Variants in CASKIN1 observed in about 807,000 individuals in gnomAD.
CASKIN1 encodes the protein CASK interacting protein 1.
Under a neutral mutation model 117.5 loss-of-function variants are expected in CASKIN1, and 42 were observed. That is an observed-to-expected ratio of 0.36 (90% confidence interval 0.28 to 0.46). The LOEUF (loss-of-function observed/expected upper bound fraction) is 0.46, where lower values mean the gene tolerates loss of function less well. CASKIN1 is among the 20% of genes least tolerant of loss of function. The probability of loss-of-function intolerance (pLI) is 1.00; values close to 1 mark genes in which losing one functional copy is unlikely to be tolerated. For synonymous variants in CASKIN1, 1,148 were observed against 961.7 expected, an observed-to-expected ratio of 1.19 and a Z score of -3.59; for missense variants, 2,083 against 2,077.3, an observed-to-expected ratio of 1.00 and a Z score of -0.05.
chr16:2,188,659 T>C (rs1168411087), intron 6 of CASKIN1, among the ~76,000 whole-genome samples: 1 of 152,144 alleles, frequency 6.6e-6, no homozygotes, highest in African/African-American at 2.4e-5. Context: ...CAGCCCACAG[T>C]GAGCACTGTT....
At position 2,180,506 on chromosome 16, in the gene CASKIN1, G is replaced by T; in HGVS notation, c.2862C>A (p.Ser954Arg). 6.4e-7 allele frequency: 1 copy of T among 1,550,658 alleles called. No individual in the cohort carries two copies. Among genetic ancestry groups the T allele is most frequent in the Non-Finnish European group, 8.7e-7 (1 of 1,154,238 alleles). ...GPPPPPPKRSSSALASANLAD... is the reference protein window; with the variant it reads ...GPPPPPPKRSRSALASANLAD... ...CCAGGTTGGCACTAGCCAGGGCCGAGCTGGAGCGCTTGGGTGGGGGCGGCG... is the reference window on the plus strand; with the variant it reads ...CCAGGTTGGCACTAGCCAGGGCCGATCTGGAGCGCTTGGGTGGGGGCGGCG... Residue 954 changes from serine to arginine, a missense_variant, in exon 18 of 20, where the codon AGC becomes AGA. Ser to Arg is a moderately radical substitution (Grantham distance 110, BLOSUM62 -1). Around this residue, in one of 3 missense-constraint regions of CASKIN1, gnomAD observed 1,818 missense variants for 1,688.9 expected, o/e 1.08. Transcript: ENST00000343516.
intron 15 of CASKIN1, 36 bp downstream of exon 15, chr16:2,183,795 G>C: frequency 6.2e-7 from 1 of 1,611,372 alleles, no homozygotes; most frequent in Non-Finnish European, 8.5e-7. Flanking sequence ...CCATCTGTGG[G>C]ACGCAGCTGG....
Position 2,181,522 on chromosome 16 carries a change from C to T in CASKIN1, c.1846G>A (p.Gly616Ser). 6.2e-7 allele frequency: 1 copy of T among 1,605,974 alleles called. No individual in the cohort carries two copies. The highest frequency in any genetic ancestry group is 8.5e-7 in the Non-Finnish European group (1 of 1,177,742). ...QKAEYAKYEGGPLRRKAPQSL... is the reference protein window; with the variant it reads ...QKAEYAKYEGSPLRRKAPQSL... ...TGGGGCGCCTTCCGGCGCAGGGGGCCCCCCTCATACTTGGCGTATTCAGCC... is the reference window on the plus strand; with the variant it reads ...TGGGGCGCCTTCCGGCGCAGGGGGCTCCCCTCATACTTGGCGTATTCAGCC... The change falls in exon 18 of 20, where the codon GGC (glycine) becomes AGC (serine). Residue 616 changes from glycine to serine, a missense_variant. By Grantham distance (56) the Gly-to-Ser change is moderately conservative. This residue lies in a region of CASKIN1 where 1,818 missense variants were observed against 1,688.9 expected (regional missense o/e 1.08). Transcript: ENST00000343516.
Position 2,181,794 on chromosome 16 carries a change from G to A in CASKIN1, c.1765C>T (p.Leu589=), listed in dbSNP as rs761895993. The change falls in exon 17 of 20, where the codon CTG becomes TTG. Residue 589 remains leucine (L), a synonymous_variant. Transcript: ENST00000343516. The part of the protein sequence containing the change: ...EDLQEIGITK[L]GHQKKLMLAV... ...AGGGCTGGGGCTGGGGCCTCACCCA[G>A]CTTGGTGATGCCGATCTCCTGCAGG... 1.2e-5 allele frequency: 20 copies of A among 1,613,000 alleles called. No homozygotes were observed. The highest frequency in any genetic ancestry group is 1.6e-5 in the Non-Finnish European group (19 of 1,179,816).
rs759915494 is a variant in CASKIN1 at position 2,178,565 on chromosome 16, A to T, written c.4281T>A (p.Asp1427Glu). The T allele has an allele frequency of 6.3e-7, 1 of 1,594,746 alleles. No homozygotes were observed. Among genetic ancestry groups the T allele is most frequent in the Non-Finnish European group, 8.5e-7 (1 of 1,175,446 alleles). ...SMFDDLADQL[D>E]AMLE The stretch of plus-strand genomic sequence containing the variant: ...CAGGCGGCGTTCACTCCAGCATGGC[A>T]TCCAGCTGGTCGGCCAGGTCGTCGA... The change falls in exon 20 of 20, where the codon GAT (aspartate) becomes GAA (glutamate). Residue 1427 changes from aspartate to glutamate, a missense_variant. By Grantham distance (45) the Asp-to-Glu change is conservative (BLOSUM62 2). This residue lies in a region of CASKIN1 where 1,818 missense variants were observed against 1,688.9 expected (regional missense o/e 1.08). Transcript: ENST00000343516.
intron 1 of CASKIN1, among the ~76,000 whole-genome samples, chr16:2,191,761 G>C (rs1022539928): frequency 4.9e-4 from 75 of 152,184 alleles, no homozygotes; most frequent in African/African-American, 1.7e-3. Flanking sequence ...CAAAACCTTG[G>C]AGCCAGGCCT....
chr16:2,194,895 T>G (rs1469811274), intron 1 of CASKIN1, among the ~76,000 whole-genome samples: 2 of 152,234 alleles, frequency 1.3e-5, no homozygotes, highest in African/African-American at 4.8e-5. Context: ...TGGCATTTAC[T>G]GAGCACTTAC....
chr16:2,184,829 T>C lies in CASKIN1; in HGVS notation c.1364A>G (p.Gln455Arg). 1 of 1,557,314 alleles carries C rather than the reference T, an allele frequency of 6.4e-7. No individual in the cohort carries two copies. Among genetic ancestry groups the C allele is most frequent in the Non-Finnish European group, 8.7e-7 (1 of 1,150,472 alleles). ...RSQPPVAHAG[Q>R]VYGEQPPKKL... ...CTTGGGCGGCTGCTCCCCATAGACCTGCCCGGCGTGGGCCACTGGAGGCTG... is the reference window on the plus strand; with the variant it reads ...CTTGGGCGGCTGCTCCCCATAGACCCGCCCGGCGTGGGCCACTGGAGGCTG... The change falls in exon 14 of 20, where the codon CAG becomes CGG. Residue 455 changes from glutamine to arginine, a missense_variant. Transcript: ENST00000343516.
Position 2,179,713 on chromosome 16 carries a change from G to A in CASKIN1, c.3655C>T (p.Arg1219Trp), listed in dbSNP as rs757703329. 3.9e-6 allele frequency: 6 copies of A among 1,529,084 alleles called. No individual in the cohort carries two copies. Among genetic ancestry groups the A allele is most frequent in the Non-Finnish European group, 5.2e-6 (6 of 1,146,338 alleles). The allele number at this position is 1,529,084 out of a possible 1,614,324, so 94.7% of individuals were successfully genotyped here. A position where few individuals can be genotyped will look rare whatever the true frequency, so the allele number is the denominator to read the frequency against. Residue 1219 changes from arginine (R) to tryptophan (W), a missense_variant, in exon 18 of 20, where the codon CGG becomes TGG. Transcript: ENST00000343516. The surrounding 1 kb of genome is among the most constrained non-coding windows in gnomAD (Gnocchi z 5.8). Reference protein sequence around the residue: ...PPLPPPEGEARKPAKPPVSPK... With the variant: ...PPLPPPEGEAWKPAKPPVSPK... ...GAGACAGGCGGCTTGGCCGGCTTCC[G>A]GGCTTCGCCCTCGGGCGGGGGCAAT... is the stretch of plus-strand genomic sequence containing the variant.
chr16:2,196,228 G>GC lies in CASKIN1; in HGVS notation c.94+110dup. On this transcript the variant is annotated intron_variant, in intron 1 of 19. Transcript: ENST00000343516. This position sits in a 1 kb window ranked among gnomAD's most constrained non-coding sequence, Gnocchi z 5.7. ...GTCTGGGCGCTGCTGGCCCCGCCCC[G>GC]CCCCCGGGGACCCGACAACGTCCCC... is the stretch of plus-strand genomic sequence containing the variant. The GC allele has an allele frequency of 8.2e-6, 2 of 245,170 alleles. No individual in the cohort carries two copies. Among genetic ancestry groups the GC allele is most frequent in the Non-Finnish European group, 1.4e-5 (2 of 139,558 alleles). The allele number at this position is 245,170 out of a possible 1,614,324, so 15.2% of individuals were successfully genotyped here.
Position 2,181,515 on chromosome 16 carries a change from A to G in CASKIN1, c.1853T>C (p.Leu618Pro). 6.2e-7 allele frequency: 1 copy of G among 1,608,398 alleles called. No individual in the cohort carries two copies. Reference sequence around the variant, plus strand: ...AAGAGACTGGGGCGCCTTCCGGCGCAGGGGGCCCCCCTCATACTTGGCGTA... The same window carrying G: ...AAGAGACTGGGGCGCCTTCCGGCGCGGGGGGCCCCCCTCATACTTGGCGTA... ...AEYAKYEGGP[L>P]RRKAPQSLEV... The change falls in exon 18 of 20, where the codon CTG (leucine) becomes CCG (proline). Residue 618 changes from leucine to proline, a missense_variant. Coordinates refer to ENST00000343516, the MANE Select transcript of CASKIN1 (RefSeq NM_020764.4).
intron 1 of CASKIN1, among the ~76,000 whole-genome samples, chr16:2,195,966 TGGTG>T (rs2093214569): frequency 1.4e-5 from 2 of 139,708 alleles, no homozygotes; most frequent in African/African-American, 2.7e-5. Context: ...CCGGTGCGTG[TGGTG>T]GGTGGGGGGG....
At position 2,180,611 on chromosome 16, in the gene CASKIN1, T is replaced by C. The variant is rs1467946141; in HGVS notation, c.2757A>G (p.Ser919=). The change falls in exon 18 of 20, where the codon TCA becomes TCG. Residue 919 remains serine, a synonymous_variant. Transcript: ENST00000343516. Reference sequence around the variant, plus strand: ...TGTCGGCACCTGCGGGCGCCCTCACTGAGTGGCTGCGGCCCACGCGCCGCT... The same window carrying C: ...TGTCGGCACCTGCGGGCGCCCTCACCGAGTGGCTGCGGCCCACGCGCCGCT... The part of the protein sequence containing the change: ...TVQRRVGRSH[S]VRAPAGADKN... The C allele has an allele frequency of 1.9e-6, 3 of 1,569,042 alleles. No individual in the cohort carries two copies. The highest frequency in any genetic ancestry group is 3.4e-4 in the Middle Eastern group (2 of 5,840).
At position 2,184,894 on chromosome 16, in the gene CASKIN1, A is replaced by G. The variant is rs764609150; in HGVS notation, c.1325-26T>C. 5 of 1,578,288 alleles carry G rather than the reference A, an allele frequency of 3.2e-6. No individual in the cohort carries two copies. In the East Asian group the frequency reaches 9.0e-5, roughly 29 times the overall value. On this transcript the variant is annotated intron_variant, in intron 13 of 19. Coordinates refer to ENST00000343516, the MANE Select transcript of CASKIN1 (RefSeq NM_020764.4). ...CTGAGGACGAGAGTGGGTGGGGGACAAGGGCTGTCGGGCTGCTTTCCTCCA... is the reference window on the plus strand; with the variant it reads ...CTGAGGACGAGAGTGGGTGGGGGACGAGGGCTGTCGGGCTGCTTTCCTCCA...
Position 2,182,327 on chromosome 16 carries a change from G to A in CASKIN1, c.1630-398C>T, listed in dbSNP as rs1017477765. 7.2e-5 allele frequency among the ~76,000 whole-genome samples: 11 copies of A among 152,034 alleles called. No individual in the cohort carries two copies. The highest frequency in any genetic ancestry group is 3.4e-3 in the Middle Eastern group (1 of 294). ...TGATTTGCACGCTGCGCTCCCAGCC[G>A]TGCACAGGCACCAGCACCCCATCCC... On this transcript the variant is annotated intron_variant, in intron 16 of 19. Transcript: ENST00000343516. This position sits in a 1 kb window ranked among gnomAD's most constrained non-coding sequence, Gnocchi z 4.1.
At chr16:2,187,511 C>T (rs1208974761) in intron 6 of CASKIN1, 50 bp from the exon 7 acceptor site, 1 of 1,450,628 alleles carries the variant, frequency 6.9e-7, no homozygotes, top group Non-Finnish European at 9.5e-7. Flanking sequence ...AGGAGGCCGG[C>T]CCCAGCACCC....
intron 14 of CASKIN1, among the ~76,000 whole-genome samples, chr16:2,184,448 C>T (rs1478569797): frequency 2.0e-5 from 3 of 152,152 alleles, no homozygotes; most frequent in Admixed American, 6.5e-5. Flanking sequence ...ACGCCGTGCC[C>T]ATGCACACGC....
At position 2,181,909 on chromosome 16, in the gene CASKIN1, C is replaced by CT; in HGVS notation, c.1649_1650insA (p.Ser551ValfsTer21). The CT allele has an allele frequency of 6.2e-7, 1 of 1,613,698 alleles. No homozygotes were observed. The highest frequency in any genetic ancestry group is 8.5e-7 in the Non-Finnish European group (1 of 1,179,984). ...AGTACTGGGCCAGGCCGATCATGGA[C>CT]AGCCACACGGCCAGGTTAGCCTACA... On this transcript the variant is annotated frameshift_variant, in exon 17 of 20. Coordinates refer to ENST00000343516, the MANE Select transcript of CASKIN1 (RefSeq NM_020764.4). LOFTEE classifies it high-confidence loss of function.
intron 1 of CASKIN1, 75 bp from the exon 2 acceptor site, chr16:2,190,433 G>T: frequency 7.6e-7 from 1 of 1,322,918 alleles, no homozygotes; most frequent in Non-Finnish European, 1.1e-6. Context: ...GGGAGAGGGG[G>T]CCAGCCATCT....
Sources: gnomAD v4.1 joint callset for allele counts (sites outside exome capture counted in the v4.1 genomes callset) on GRCh38, gnomAD v4.1.1 for gene constraint, gnomAD v4.1.1 regional missense constraint, Gnocchi (gnomAD v3.1) non-coding constraint, MANE v1.5 for transcripts, NCBI Gene and HGNC (gene_info 2026-07-23, HGNC 2026-07-21) for gene names.